Variants in ARHGAP15 observed in about 807,000 individuals in gnomAD.
ARHGAP15 encodes Rho GTPase activating protein 15.
A neutral mutation model predicts 63.7 loss-of-function variants in ARHGAP15; 51 were observed. That is an observed-to-expected ratio of 0.80 (90% CI 0.64 to 1.01). ARHGAP15 has a LOEUF of 1.01. Ranked by LOEUF, ARHGAP15 falls within the 50% of genes least tolerant of loss-of-function variation. The pLI, the probability that ARHGAP15 is intolerant of heterozygous loss-of-function variation, is 0.00. For synonymous variants in ARHGAP15, 191 were observed against 193.8 expected (o/e 0.99, Z 0.12); for missense variants, 560 against 564.6 (o/e 0.99, Z 0.08).
At chr2:143,516,320 T>A (rs1188454946) in intron 9 of ARHGAP15, among the ~76,000 whole-genome samples, 2 of 152,144 alleles carry the variant, frequency 1.3e-5, no homozygotes, top group African/African-American at 2.4e-5. Flanking sequence ...GTTGTCTGTA[T>A]CTTCTCATAT....
intron 9 of ARHGAP15, among the ~76,000 whole-genome samples, chr2:143,514,970 A>G (rs1296632145): frequency 2.0e-5 from 3 of 152,186 alleles, no homozygotes; most frequent in African/African-American, 4.8e-5. Context: ...GAAATGGGGG[A>G]AAATAAACAC....
intron 5 of ARHGAP15, among the ~76,000 whole-genome samples, chr2:143,232,859 G>C (rs2104922604): frequency 6.6e-6 from 1 of 152,112 alleles, no homozygotes; most frequent in African/African-American, 2.4e-5. Flanking sequence ...CTTTCACTAA[G>C]TATTTCTTGC....
intron 12 of ARHGAP15, among the ~76,000 whole-genome samples, chr2:143,638,744 T>TAAAA: frequency 6.7e-6 from 1 of 148,420 alleles, no homozygotes; most frequent in Middle Eastern, 3.5e-3. Flanking sequence ...TGAAGTTCTC[T>TAAAA]AGACATTTGG....
At chr2:143,647,488 GCT>G (rs1405835673) in intron 12 of ARHGAP15, among the ~76,000 whole-genome samples, 1 of 151,876 alleles carries the variant, frequency 6.6e-6, no homozygotes, top group Non-Finnish European at 1.5e-5. Context: ...GTTGTTAGGT[GCT>G]TTCTACATGA....
At chr2:143,336,614 T>C (rs1485144546) in intron 6 of ARHGAP15, among the ~76,000 whole-genome samples, 2 of 152,116 alleles carry the variant, frequency 1.3e-5, no homozygotes, top group African/African-American at 4.8e-5. Context: ...CTGTGTTTAA[T>C]TGGTGATGAT....
chr2:143,293,033 A>C (rs946926322), intron 6 of ARHGAP15, among the ~76,000 whole-genome samples: 1 of 152,106 alleles, frequency 6.6e-6, no homozygotes, highest in African/African-American at 2.4e-5. Context: ...ATATAAATGT[A>C]AATTTAAATT....
chr2:143,566,229 G>C (rs940239422), intron 11 of ARHGAP15, among the ~76,000 whole-genome samples: 3 of 152,150 alleles, frequency 2.0e-5, no homozygotes, highest in Non-Finnish European at 4.4e-5. Flanking sequence ...TTATGTGTAT[G>C]GACCCACTGG....
chr2:143,305,031 G>T (rs959463282), intron 6 of ARHGAP15, among the ~76,000 whole-genome samples: 1 of 152,050 alleles, frequency 6.6e-6, no homozygotes, highest in Non-Finnish European at 1.5e-5. Context: ...GCACACATAT[G>T]TCTATTGTGG....
chr2:143,326,575 C>T (rs1401004703), intron 6 of ARHGAP15, among the ~76,000 whole-genome samples: 2 of 152,288 alleles, frequency 1.3e-5, no homozygotes, highest in Non-Finnish European at 2.9e-5. Context: ...CAACAATTAA[C>T]TCATTTCAAG....
At chr2:143,520,185 G>T (rs1028035474) in intron 10 of ARHGAP15, among the ~76,000 whole-genome samples, 7 of 152,096 alleles carry the variant, frequency 4.6e-5, no homozygotes, top group African/African-American at 1.7e-4. Flanking sequence ...TCAGAAAAAA[G>T]GATTGGTGAA....
chr2:143,236,157 A>AT (rs1434719601), intron 5 of ARHGAP15: 1 of 604,468 alleles, frequency 1.7e-6, no homozygotes, highest in African/African-American at 1.9e-5. Flanking sequence ...TTGTTTTTAC[A>AT]TTAGGGGCAA....
intron 12 of ARHGAP15, among the ~76,000 whole-genome samples, chr2:143,648,445 A>G (rs765873898): frequency 2.5e-4 from 38 of 152,178 alleles, no homozygotes; most frequent in Non-Finnish European, 5.0e-4. Context: ...TTTTATGTCA[A>G]GAATAAGAGC....
intron 11 of ARHGAP15, among the ~76,000 whole-genome samples, chr2:143,597,012 T>C (rs1317856292): frequency 1.3e-5 from 2 of 152,130 alleles, no homozygotes; most frequent in African/African-American, 4.8e-5. Context: ...AAGAATCCTA[T>C]TTTAAATGAT....
intron 8 of ARHGAP15, among the ~76,000 whole-genome samples, chr2:143,481,026 G>T (rs1455976877): frequency 5.9e-5 from 9 of 152,138 alleles, no homozygotes. Context: ...TCAGTACTTT[G>T]TTATGTAATC....
intron 6 of ARHGAP15, among the ~76,000 whole-genome samples, chr2:143,263,598 A>G (rs899263045): frequency 5.9e-5 from 9 of 152,186 alleles, no homozygotes; most frequent in Admixed American, 2.0e-4. Context: ...AAAGAACTTC[A>G]ACTGACCAGT....
intron 11 of ARHGAP15, among the ~76,000 whole-genome samples, chr2:143,617,969 G>T (rs1158878151): frequency 2.0e-5 from 3 of 152,150 alleles, no homozygotes; most frequent in Admixed American, 6.5e-5. Flanking sequence ...CAAATTAACT[G>T]GCCAACTGGT....
intron 13 of ARHGAP15, among the ~76,000 whole-genome samples, chr2:143,718,876 G>T (rs897607107): frequency 6.6e-6 from 1 of 152,196 alleles, no homozygotes; most frequent in Non-Finnish European, 1.5e-5. Context: ...TAAAGCTCTA[G>T]GATCTGGAAG....
intron 6 of ARHGAP15, among the ~76,000 whole-genome samples, chr2:143,394,525 G>A (rs986037180): frequency 3.9e-5 from 6 of 152,112 alleles, no homozygotes; most frequent in Admixed American, 1.3e-4. Flanking sequence ...TCTTTTAATG[G>A]TGATAATGAT....
chr2:143,579,862 ATTTGT>A (rs1173445569), intron 11 of ARHGAP15, among the ~76,000 whole-genome samples: 1 of 151,146 alleles, frequency 6.6e-6, no homozygotes, highest in Non-Finnish European at 1.5e-5. Context: ...GCACTGAAAC[ATTTGT>A]TTTATTTTTT....
Sources: allele counts gnomAD v4.1 joint callset (sites outside exome capture counted in the v4.1 genomes callset), GRCh38; gene constraint gnomAD v4.1.1; transcripts MANE v1.5; gene names NCBI Gene and HGNC (gene_info 2026-07-23, HGNC 2026-07-21).